Variants in AGO3 observed in about 807,000 individuals in gnomAD.
AGO3 encodes argonaute RISC catalytic component 3, also known as protein argonaute-3.
AGO3 carries 16 observed loss-of-function variants against 105.5 expected under a neutral mutation model. That is an observed-to-expected ratio of 0.15 (90% confidence interval 0.10 to 0.23). The LOEUF is 0.23. AGO3 is among the 10% of genes least tolerant of loss of function. The pLI is 1.00. For missense variants in AGO3, 534 were observed against 1,088.0 expected (o/e 0.49, Z 7.16); for synonymous variants, 340 against 367.3 (o/e 0.93, Z 0.85).
intron 5 of AGO3, among the ~76,000 whole-genome samples, chr1:35,977,122 TAAAG>T (rs773384420): frequency 6.6e-6 from 1 of 151,406 alleles, no homozygotes; most frequent in Admixed American, 6.6e-5. Context: ...GTTGGTAACA[TAAAG>T]AAAGGATAAA....
At chr1:35,963,554 A>T (rs572735146) in intron 2 of AGO3, among the ~76,000 whole-genome samples, 2 of 152,036 alleles carry the variant, frequency 1.3e-5, no homozygotes, top group African/African-American at 4.8e-5. Flanking sequence ...GAAGAGGGAT[A>T]TTATACAGAT....
chr1:36,016,179 A>T (rs1640893495), intron 11 of AGO3, among the ~76,000 whole-genome samples: 3 of 152,060 alleles, frequency 2.0e-5, no homozygotes. Context: ...CAGTTAGGTT[A>T]CAGTTTTTTG....
intron 16 of AGO3, 191 bp from the exon 17 acceptor site, chr1:36,043,256 C>G: frequency 1.8e-6 from 1 of 566,918 alleles, no homozygotes; most frequent in Non-Finnish European, 3.1e-6. Flanking sequence ...TATCAGCGCT[C>G]ACTTTCAGCA....
At chr1:36,019,833 A>T (rs1641121009) in intron 11 of AGO3, among the ~76,000 whole-genome samples, 1 of 152,140 alleles carries the variant, frequency 6.6e-6, no homozygotes, top group African/African-American at 2.4e-5. Flanking sequence ...CAGTGGTGCG[A>T]TCTCGGCTCA....
chr1:35,990,401 G>A (rs1204298163), intron 5 of AGO3, among the ~76,000 whole-genome samples: 3 of 152,048 alleles, frequency 2.0e-5, no homozygotes, highest in Non-Finnish European at 4.4e-5. Context: ...CCAGCTACTC[G>A]GGAGGCTGAG....
intron 1 of AGO3, among the ~76,000 whole-genome samples, chr1:35,936,353 A>G (rs762494685): frequency 3.3e-5 from 5 of 152,174 alleles, no homozygotes; most frequent in African/African-American, 4.8e-5. Context: ...TGGTTTGGTT[A>G]TAATAAAAAA....
Position 36,013,529 on chromosome 1 carries a change from A to G in AGO3, c.1150-101A>G, listed in dbSNP as rs1351570885. 4.8e-6 allele frequency: 7 copies of G among 1,454,776 alleles called. No individual in the cohort carries two copies. In the East Asian group the frequency reaches 1.6e-4, roughly 33 times the overall value. 90.1% of individuals were successfully genotyped at this position (1,454,776 alleles called of 1,614,324 possible). On this transcript the variant is annotated intron_variant, in intron 9 of 18. Coordinates refer to ENST00000373191, the MANE Select transcript of AGO3 (RefSeq NM_024852.4). Reference sequence around the variant, plus strand: ...CCATTGATTAGACCTGTTGGAAAATATATTATGGACACAGTGAAGAAAAAA... The same window carrying G: ...CCATTGATTAGACCTGTTGGAAAATGTATTATGGACACAGTGAAGAAAAAA...
intron 5 of AGO3, among the ~76,000 whole-genome samples, chr1:35,990,351 A>G (rs1647511240): frequency 6.6e-6 from 1 of 152,140 alleles, no homozygotes; most frequent in Non-Finnish European, 1.5e-5. Context: ...TACTAAAAAT[A>G]CAAAAAATTA....
At chr1:35,977,109 A>T (rs1489494783) in intron 5 of AGO3, among the ~76,000 whole-genome samples, 22 of 151,692 alleles carry the variant, frequency 1.5e-4, no homozygotes. Context: ...ATATAATTGG[A>T]TTGTTGGTAA....
chr1:35,956,318 G>T (rs899642759), intron 2 of AGO3, among the ~76,000 whole-genome samples: 2 of 152,112 alleles, frequency 1.3e-5, no homozygotes, highest in African/African-American at 4.8e-5. Flanking sequence ...CCAGGTTTTT[G>T]TATACTATTT....
chr1:36,002,893 A>G (rs1312488677), intron 5 of AGO3, among the ~76,000 whole-genome samples: 1 of 152,122 alleles, frequency 6.6e-6, no homozygotes, highest in African/African-American at 2.4e-5. Context: ...CAACGTGGTA[A>G]AACCTTGTCT....
chr1:35,936,232 A>C (rs1557639313), intron 1 of AGO3, among the ~76,000 whole-genome samples: 1 of 151,948 alleles, frequency 6.6e-6, no homozygotes, highest in Non-Finnish European at 1.5e-5. Context: ...AATATTAATG[A>C]CTTTCTTTGG....
At chr1:35,939,405 A>G (rs1646212028) in intron 1 of AGO3, among the ~76,000 whole-genome samples, 2 of 152,192 alleles carry the variant, frequency 1.3e-5, no homozygotes, top group South Asian at 2.1e-4. Context: ...AGTGTAAAAA[A>G]CATGGGTTTT....
At chr1:35,989,919 GTTA>G (rs1647457731) in intron 5 of AGO3, among the ~76,000 whole-genome samples, 1 of 152,018 alleles carries the variant, frequency 6.6e-6, no homozygotes, top group Middle Eastern at 3.2e-3. Context: ...ATGTTTGTTA[GTTA>G]TATCTCCCTT....
At chr1:35,990,336 G>A (rs542128921) in intron 5 of AGO3, among the ~76,000 whole-genome samples, 18 of 152,102 alleles carry the variant, frequency 1.2e-4, no homozygotes, top group African/African-American at 3.1e-4. Flanking sequence ...GTGAAACCCC[G>A]TCTCTACTAA....
chr1:35,973,218 A>G (rs1008538384), intron 4 of AGO3, among the ~76,000 whole-genome samples, 157 bp from the exon 5 acceptor site: 5 of 152,048 alleles, frequency 3.3e-5, no homozygotes, highest in African/African-American at 4.8e-5. Context: ...TTTAGAGTGG[A>G]TACTTTTTGC....
chr1:35,993,859 T>G (rs566567389), intron 5 of AGO3, among the ~76,000 whole-genome samples: 358 of 147,436 alleles, frequency 2.4e-3, no homozygotes, highest in South Asian at 6.6e-3. Context: ...GCCATTGTCC[T>G]GCCTCAGCCT....
At chr1:36,039,443 G>A (rs527752393) in intron 14 of AGO3, among the ~76,000 whole-genome samples, 2 of 145,428 alleles carry the variant, frequency 1.4e-5, no homozygotes, top group African/African-American at 2.6e-5. Context: ...GCAGTGAGCC[G>A]AGATTGTGCC....
chr1:35,957,472 T>C (rs1172034424), intron 2 of AGO3, among the ~76,000 whole-genome samples: 1 of 152,066 alleles, frequency 6.6e-6, no homozygotes, highest in Non-Finnish European at 1.5e-5. Flanking sequence ...ATGCCTGTAA[T>C]CCCAGCACTT....
Sources: allele counts gnomAD v4.1 joint callset (sites outside exome capture counted in the v4.1 genomes callset), GRCh38; gene constraint gnomAD v4.1.1; transcripts MANE v1.5; gene names NCBI Gene and HGNC (gene_info 2026-07-23, HGNC 2026-07-21).